The following REV3L variants were observed in gnomAD, a reference collection of about 807,000 sequenced individuals.
The protein encoded by REV3L is REV3 like, DNA directed polymerase zeta catalytic subunit.
Under a neutral mutation model 299.4 loss-of-function variants are expected in REV3L, and 69 were observed. The ratio of observed to expected loss-of-function variants is 0.23; its 90% CI spans 0.19 to 0.28. The LOEUF (loss-of-function observed/expected upper bound fraction) is 0.28. Ranked by LOEUF, REV3L falls within the 10% of genes least tolerant of loss-of-function variation. REV3L has a pLI of 1.00. For synonymous variants in REV3L, 1,238 were observed against 1,271.4 expected (o/e 0.97, Z 0.56); for missense variants, 3,128 against 3,693.8 (o/e 0.85, Z 3.97).
chr6:111,380,008 A>G lies in REV3L; in HGVS notation c.1428T>C (p.Asn476=), dbSNP rs559708586. The G allele has an allele frequency of 5.0e-6, 8 of 1,613,162 alleles. No homozygotes were observed. The African/African-American group carries it at 1.1e-4, about 22-fold the overall frequency. The part of the protein sequence containing the change: ...SLVMSQRWDS[N]IEEHCAKKRS... ...TCTTTTTGGCACAATGTTCTTCAAT[A>G]TTGCTGTCCCATCTCTGGGACATCA... Residue 476 remains asparagine, a synonymous_variant, in exon 11 of 32, where the codon AAT becomes AAC. Transcript: ENST00000368802.
Position 111,363,910 on chromosome 6 carries a change from A to C in REV3L, c.6822T>G (p.Asn2274Lys). The change falls in exon 16 of 32, where the codon AAT (asparagine) becomes AAG (lysine). Residue 2274 changes from asparagine to lysine, a missense_variant. Physicochemically the swap from Asn to Lys is moderately conservative, Grantham distance 94. Around this residue, in one of 9 missense-constraint regions of REV3L, gnomAD observed 2,409 missense variants for 2,611.8 expected, o/e 0.92. Transcript: ENST00000368802. ...TSQIDGPSLN[N>K]TYGFKVSIQN... ...GTATGCTGACTTTGAAACCGTAAGTATTGTTTAAAGATGGTCCATCAATCT... is the reference window on the plus strand; with the variant it reads ...GTATGCTGACTTTGAAACCGTAAGTCTTGTTTAAAGATGGTCCATCAATCT... The C allele has an allele frequency of 6.2e-7, 1 of 1,613,468 alleles. No homozygotes were observed.
chr6:111,386,842 C>A (rs1182430038), intron 9 of REV3L, among the ~76,000 whole-genome samples: 1 of 151,708 alleles, frequency 6.6e-6, no homozygotes, highest in Admixed American at 6.6e-5. Flanking sequence ...CTGCCTCAGC[C>A]TCCTGAGTAG....
chr6:111,455,145 T>C (rs1433130415), intron 1 of REV3L, among the ~76,000 whole-genome samples: 1 of 152,138 alleles, frequency 6.6e-6, no homozygotes, highest in Non-Finnish European at 1.5e-5. Flanking sequence ...AGTACAATGG[T>C]GGCACAAAGG....
intron 4 of REV3L, among the ~76,000 whole-genome samples, chr6:111,401,185 T>C (rs1783049052): frequency 6.6e-6 from 1 of 152,186 alleles, no homozygotes; most frequent in African/African-American, 2.4e-5. Flanking sequence ...CGAAAGTGGG[T>C]AATGAACTCC....
At chr6:111,417,107 T>A (rs774553349) in intron 1 of REV3L, among the ~76,000 whole-genome samples, 6 of 151,992 alleles carry the variant, frequency 3.9e-5, no homozygotes, top group Non-Finnish European at 7.4e-5. Flanking sequence ...TTTGGTGGTA[T>A]GGAACAAGGG....
At chr6:111,462,604 C>G (rs1385311809) in intron 1 of REV3L, among the ~76,000 whole-genome samples, 1 of 152,096 alleles carries the variant, frequency 6.6e-6, no homozygotes, top group East Asian at 1.9e-4. Flanking sequence ...TACAAACCCA[C>G]AATGAGATGT....
intron 30 of REV3L, chr6:111,309,487 G>A (rs968291091): frequency 1.1e-4 from 17 of 159,394 alleles, no homozygotes; most frequent in Non-Finnish European, 2.3e-4. Context: ...CCAGCTGCTT[G>A]GGTCTTCCAC....
At chr6:111,430,520 T>TA in intron 1 of REV3L, 1 of 1,566,130 alleles carries the variant, frequency 6.4e-7, no homozygotes, top group Non-Finnish European at 8.8e-7. Context: ...TGAAAATTCT[T>TA]AGACATGAAA....
intron 1 of REV3L, among the ~76,000 whole-genome samples, chr6:111,455,725 A>G (rs536501859): frequency 1.3e-5 from 2 of 152,358 alleles, no homozygotes; most frequent in African/African-American, 4.8e-5. Context: ...ATAAAAAGAA[A>G]TAATTTCTCT....
intron 11 of REV3L, among the ~76,000 whole-genome samples, chr6:111,378,823 A>G (rs950245115): frequency 3.3e-5 from 5 of 152,174 alleles, no homozygotes; most frequent in African/African-American, 1.2e-4. Flanking sequence ...TTGTAATTCT[A>G]ATTAGATCAA....
At chr6:111,459,534 C>T (rs1257603903) in intron 1 of REV3L, among the ~76,000 whole-genome samples, 6 of 151,688 alleles carry the variant, frequency 4.0e-5, no homozygotes, top group African/African-American at 1.2e-4. Flanking sequence ...CTGACAAAGG[C>T]CTAATATCCA....
chr6:111,310,779 T>C (rs1390816474), intron 29 of REV3L: 15 of 297,484 alleles, frequency 5.0e-5, no homozygotes, highest in Non-Finnish European at 7.9e-5. Context: ...AATGCTTTGG[T>C]AGAACAATAT....
chr6:111,335,102 G>A (rs1775778667), intron 22 of REV3L, among the ~76,000 whole-genome samples: 1 of 151,828 alleles, frequency 6.6e-6, no homozygotes, highest in African/African-American at 2.4e-5. Flanking sequence ...TGATTTTCAA[G>A]CTTTTTATTT....
intron 1 of REV3L, among the ~76,000 whole-genome samples, chr6:111,455,860 G>A (rs1367697314): frequency 6.6e-6 from 1 of 152,036 alleles, no homozygotes; most frequent in African/African-American, 2.4e-5. Context: ...GTGGAATCAG[G>A]GCTCCAATTA....
At chr6:111,449,169 A>C (rs1265957684) in intron 1 of REV3L, among the ~76,000 whole-genome samples, 1 of 152,220 alleles carries the variant, frequency 6.6e-6, no homozygotes, top group Non-Finnish European at 1.5e-5. Flanking sequence ...AAAAGCATGT[A>C]AATCAATGGT....
intron 1 of REV3L, among the ~76,000 whole-genome samples, chr6:111,436,420 A>G (rs1328857063): frequency 6.6e-6 from 1 of 152,252 alleles, no homozygotes; most frequent in African/African-American, 2.4e-5. Flanking sequence ...AATATGGTAT[A>G]TATACACAAT....
intron 1 of REV3L, among the ~76,000 whole-genome samples, chr6:111,419,328 A>G (rs941815471): frequency 5.3e-5 from 8 of 152,270 alleles, no homozygotes; most frequent in East Asian, 1.9e-4. Context: ...AAAAAACTCA[A>G]AAGTTAAATA....
rs1289130428 is a variant in REV3L, at chr6:111,345,178, C to T, written c.7420-1135G>A. Among the ~76,000 whole-genome samples, 3 of 152,026 alleles carry T rather than the reference C, an allele frequency of 2.0e-5. No individual in the cohort carries two copies. In the East Asian group the frequency reaches 5.8e-4, roughly 29 times the overall value. The stretch of plus-strand genomic sequence containing the variant: ...AGCAGAACAGTTCTACTAAATAGTT[C>T]TACTAAAAGTCAAGTTAGGAATATG... On this transcript the variant is annotated intron_variant, in intron 20 of 31. Coordinates refer to ENST00000368802, the MANE Select transcript of REV3L (RefSeq NM_001372078.1).
At chr6:111,387,364 A>C (rs1781449593) in intron 9 of REV3L, among the ~76,000 whole-genome samples, 1 of 152,164 alleles carries the variant, frequency 6.6e-6, no homozygotes, top group Admixed American at 6.5e-5. Flanking sequence ...CAACTTTGTA[A>C]ATCATTGAAT....
Sources: allele counts gnomAD v4.1 joint callset (sites outside exome capture counted in the v4.1 genomes callset), GRCh38; gene constraint gnomAD v4.1.1; regional missense constraint gnomAD v4.1.1; transcripts MANE v1.5; gene names NCBI Gene and HGNC (gene_info 2026-07-23, HGNC 2026-07-21).